Variants in GRIK1 observed in about 807,000 individuals in gnomAD.
The protein encoded by GRIK1 is glutamate receptor ionotropic, kainate 1.
A neutral mutation model predicts 105.7 loss-of-function variants in GRIK1; 69 were observed. The observed-to-expected ratio is 0.65, with a 90% confidence interval of 0.54 to 0.80. The LOEUF is 0.80. Among genes scored for constraint, GRIK1 ranks in the 30% least tolerant of loss-of-function variants. GRIK1 has a pLI of 0.00. For missense variants in GRIK1, 1,109 were observed against 1,167.3 expected (o/e 0.95, Z 0.73); for synonymous variants, 438 against 431.3 (o/e 1.02, Z -0.19).
chr21:29,702,263 A>G (rs2063826406), intron 1 of GRIK1, among the ~76,000 whole-genome samples: 1 of 152,232 alleles, frequency 6.6e-6, no homozygotes, highest in Non-Finnish European at 1.5e-5. Flanking sequence ...TTACCTATGT[A>G]CAAAACTGTG....
chr21:29,605,133 T>C (rs117741913), intron 7 of GRIK1, among the ~76,000 whole-genome samples: 1 of 152,092 alleles, frequency 6.6e-6, no homozygotes, highest in Non-Finnish European at 1.5e-5. Flanking sequence ...ACGTGTGCCA[T>C]GGTGTTTTGC....
chr21:29,576,053 A>G (rs1322336932), intron 14 of GRIK1, among the ~76,000 whole-genome samples: 1 of 152,070 alleles, frequency 6.6e-6, no homozygotes, highest in African/African-American at 2.4e-5. Context: ...TTTTCCCAAA[A>G]AAAACTTTAG....
At chr21:29,678,697 G>T (rs1272633749) in intron 3 of GRIK1, among the ~76,000 whole-genome samples, 1 of 152,150 alleles carries the variant, frequency 6.6e-6, no homozygotes, top group Non-Finnish European at 1.5e-5. Flanking sequence ...TGTAAAGAAT[G>T]TTCCATCGTT....
At chr21:29,881,620 G>A (rs972476215) in intron 1 of GRIK1, among the ~76,000 whole-genome samples, 1 of 152,070 alleles carries the variant, frequency 6.6e-6, no homozygotes, top group Non-Finnish European at 1.5e-5. Context: ...GTCTAAAGTG[G>A]TTAAGGCATG....
At chr21:29,590,582 T>C (rs1330122475) in intron 10 of GRIK1, among the ~76,000 whole-genome samples, 1 of 152,136 alleles carries the variant, frequency 6.6e-6, no homozygotes, top group Non-Finnish European at 1.5e-5. Flanking sequence ...GGCAACAGCC[T>C]CTTCAGGAAA....
intron 1 of GRIK1, among the ~76,000 whole-genome samples, chr21:29,735,441 C>A (rs2146915252): frequency 6.6e-6 from 1 of 152,288 alleles, no homozygotes; most frequent in East Asian, 1.9e-4. Context: ...ATCCTATTGA[C>A]AGATATAATT....
intron 1 of GRIK1, among the ~76,000 whole-genome samples, chr21:29,805,641 T>C (rs971240773): frequency 6.6e-5 from 10 of 152,112 alleles, no homozygotes; most frequent in Non-Finnish European, 1.5e-4. Context: ...CCAACACACA[T>C]ATTTGCTTAT....
chr21:29,853,109 T>G (rs929122215), intron 1 of GRIK1, among the ~76,000 whole-genome samples: 3 of 152,240 alleles, frequency 2.0e-5, no homozygotes, highest in African/African-American at 7.2e-5. Flanking sequence ...AAACCACTTT[T>G]CTTCATTCTC....
chr21:29,777,915 A>T (rs2065991639), intron 1 of GRIK1, among the ~76,000 whole-genome samples: 1 of 152,230 alleles, frequency 6.6e-6, no homozygotes, highest in South Asian at 2.1e-4. Flanking sequence ...TTAGGTTTAG[A>T]GAGCTAGAGG....
At chr21:29,714,174 A>G (rs1394912019) in intron 1 of GRIK1, among the ~76,000 whole-genome samples, 1 of 151,706 alleles carries the variant, frequency 6.6e-6, no homozygotes, top group African/African-American at 2.4e-5. Context: ...TTTTTGCTCT[A>G]TTATATTTTG....
chr21:29,870,361 A>G (rs2068966375), intron 1 of GRIK1, among the ~76,000 whole-genome samples: 1 of 152,134 alleles, frequency 6.6e-6, no homozygotes, highest in African/African-American at 2.4e-5. Context: ...TCAATTTGCG[A>G]TATCAATTGC....
intron 1 of GRIK1, among the ~76,000 whole-genome samples, chr21:29,698,304 A>G (rs2063749527): frequency 6.6e-6 from 1 of 152,180 alleles, no homozygotes; most frequent in African/African-American, 2.4e-5. Flanking sequence ...TGGACCATGG[A>G]AGGGTTAGGA....
At chr21:29,631,687 G>T (rs1383659193) in intron 7 of GRIK1, among the ~76,000 whole-genome samples, 2 of 152,026 alleles carry the variant, frequency 1.3e-5, no homozygotes, top group South Asian at 2.1e-4. Flanking sequence ...GGATTAAAAA[G>T]ACTTATGAAA....
chr21:29,588,497 AC>A (rs1431324626), intron 11 of GRIK1, among the ~76,000 whole-genome samples: 3 of 152,054 alleles, frequency 2.0e-5, no homozygotes, highest in African/African-American at 7.2e-5. Flanking sequence ...CTCACCTGCC[AC>A]CCTGTGATGA....
rs76919235 is a variant in GRIK1 at position 29,798,357 on chromosome 21, C to T, written c.119-104294G>A. Among the ~76,000 whole-genome samples, 691 of 152,276 alleles carry T rather than the reference C, an allele frequency of 4.5e-3. 6 individuals are homozygous for T. The highest frequency in any genetic ancestry group is 0.016 in the African/African-American group (652 of 41,546). ...GGATGGATAAAATTTAACTCTACTA[C>T]GTACTCCAGGATTATCGTTCATTAC... On this transcript the variant is annotated intron_variant, in intron 1 of 17. Coordinates refer to ENST00000327783, the MANE Select transcript of GRIK1 (RefSeq NM_001330994.2).
intron 16 of GRIK1, chr21:29,553,134 T>G (rs748304017): frequency 1.4e-6 from 1 of 734,106 alleles, no homozygotes; most frequent in Admixed American, 6.2e-5. Context: ...CTACACAATA[T>G]ATGAGACAGG....
At chr21:29,722,811 A>G (rs2064356060) in intron 1 of GRIK1, among the ~76,000 whole-genome samples, 1 of 152,210 alleles carries the variant, frequency 6.6e-6, no homozygotes, top group Non-Finnish European at 1.5e-5. Context: ...CTACAACCAC[A>G]TAAGAAGGCA....
intron 1 of GRIK1, among the ~76,000 whole-genome samples, chr21:29,904,426 G>A (rs2070530533): frequency 6.6e-6 from 1 of 151,970 alleles, no homozygotes; most frequent in African/African-American, 2.4e-5. Flanking sequence ...ATCAGCAAGA[G>A]CAGGGACTGA....
intron 1 of GRIK1, among the ~76,000 whole-genome samples, chr21:29,912,885 C>T (rs459254): frequency 0.23 from 35,493 of 151,890 alleles, 4,950 homozygotes; most frequent in African/African-American, 0.39. Flanking sequence ...CATTTACATT[C>T]AAAATATACT....
Sources: allele counts gnomAD v4.1 joint callset (sites outside exome capture counted in the v4.1 genomes callset), GRCh38; gene constraint gnomAD v4.1.1; transcripts MANE v1.5; gene names NCBI Gene and HGNC (gene_info 2026-07-23, HGNC 2026-07-21).